The following SCTR variants were observed in gnomAD, a reference collection of about 807,000 sequenced individuals.
SCTR encodes the protein secretin receptor, also known as pancreatic secretin receptor.
SCTR carries 56 observed loss-of-function variants against 60.8 expected under a neutral mutation model. The observed-to-expected ratio is 0.92, with a 90% CI of 0.74 to 1.15. The LOEUF (loss-of-function observed/expected upper bound fraction) is 1.15. Ranked by LOEUF, SCTR falls within the 50% of genes most tolerant of loss-of-function variation. The probability of loss-of-function intolerance (pLI) is 0.00; values close to 1 mark genes in which losing one functional copy is unlikely to be tolerated. For synonymous variants in SCTR, 202 were observed against 217.0 expected (o/e 0.93, Z 0.61); for missense variants, 562 against 550.4 (o/e 1.02, Z -0.21).
chr2:119,522,014 G>C (rs1003911463), intron 1 of SCTR, among the ~76,000 whole-genome samples: 1 of 152,206 alleles, frequency 6.6e-6, no homozygotes, highest in Non-Finnish European at 1.5e-5. Context: ...ACAAGGGACC[G>C]CCGGGCGCGG....
At chr2:119,524,032 A>T in intron 1 of SCTR, 123 bp downstream of exon 1, 2 of 718,086 alleles carry the variant, frequency 2.8e-6, no homozygotes, top group Admixed American at 4.4e-5. Flanking sequence ...GGGAGGGAAG[A>T]GTCCCTATTC....
At chr2:119,478,959 C>A (rs941898469) in intron 2 of SCTR, 41 bp from the exon 3 acceptor site, 12 of 1,612,148 alleles carry the variant, frequency 7.4e-6, no homozygotes, top group African/African-American at 1.3e-5. Context: ...GGGGGATGGA[C>A]CGAGGGCTGC....
intron 4 of SCTR, among the ~76,000 whole-genome samples, chr2:119,471,030 T>C (rs1373802297): frequency 1.3e-5 from 2 of 152,210 alleles, no homozygotes; most frequent in Non-Finnish European, 2.9e-5. Flanking sequence ...GGCAGTCATC[T>C]TACAATGCCA....
chr2:119,441,760 G>T, intron 11 of SCTR, 161 bp from the exon 12 acceptor site: 1 of 643,216 alleles, frequency 1.6e-6, no homozygotes, highest in Non-Finnish European at 2.8e-6. Flanking sequence ...CTTGTGGGCT[G>T]CCCACGGTGG....
At chr2:119,518,558 C>A (rs551160902) in intron 1 of SCTR, among the ~76,000 whole-genome samples, 2 of 152,158 alleles carry the variant, frequency 1.3e-5, no homozygotes, top group Non-Finnish European at 2.9e-5. Flanking sequence ...TTGGAACAGA[C>A]GCACAATGTA....
At chr2:119,472,064 T>G (rs1410433956) in intron 4 of SCTR, among the ~76,000 whole-genome samples, 1 of 152,216 alleles carries the variant, frequency 6.6e-6, no homozygotes, top group African/African-American at 2.4e-5. Context: ...CTCTCTGATT[T>G]GTCACCGTGA....
chr2:119,461,608 A>G (rs1573823730), intron 7 of SCTR, among the ~76,000 whole-genome samples: 1 of 151,826 alleles, frequency 6.6e-6, no homozygotes, highest in Non-Finnish European at 1.5e-5. Context: ...CTACTTGGGA[A>G]GCTGAGGTAG....
chr2:119,496,091 G>A (rs1678333984), intron 1 of SCTR, among the ~76,000 whole-genome samples: 1 of 152,186 alleles, frequency 6.6e-6, no homozygotes, highest in African/African-American at 2.4e-5. Flanking sequence ...GTCTCACCTG[G>A]TTCTTGCCGA....
Position 119,524,369 on chromosome 2 carries a change from G to GT in SCTR, c.-144_-143insA. 1 of 485,104 alleles carries GT rather than the reference G, an allele frequency of 2.1e-6. No homozygotes were observed. The highest frequency in any genetic ancestry group is 3.4e-6 in the Non-Finnish European group (1 of 296,730). The allele number at this position is 485,104 out of a possible 1,614,324, so 30.0% of individuals were successfully genotyped here. On this transcript the variant is annotated 5_prime_UTR_variant, in exon 1 of 13. Coordinates refer to ENST00000019103, the MANE Select transcript of SCTR (RefSeq NM_002980.3). ...GAGCCATGGCTGAGCCACCCGACCT[G>GT]CGGCGGGCCCCGGGACTGCTCCTCC...
chr2:119,497,977 A>G (rs1034868106), intron 1 of SCTR, among the ~76,000 whole-genome samples: 1 of 152,178 alleles, frequency 6.6e-6, no homozygotes, highest in African/African-American at 2.4e-5. Context: ...TCCAAAAAAT[A>G]ATGGCTGAAA....
chr2:119,479,042 A>C, intron 2 of SCTR, 124 bp from the exon 3 acceptor site: 1 of 1,500,000 alleles, frequency 6.7e-7, no homozygotes, highest in South Asian at 1.3e-5. Flanking sequence ...CAAAGCTCTC[A>C]TTAGGTGCTG....
chr2:119,516,597 T>G (rs952182707), intron 1 of SCTR, among the ~76,000 whole-genome samples: 2 of 152,044 alleles, frequency 1.3e-5, no homozygotes, highest in African/African-American at 4.8e-5. Context: ...TCAAAGGGTA[T>G]GAAGTTGCAG....
chr2:119,468,207 G>C (rs1479171836), intron 4 of SCTR, among the ~76,000 whole-genome samples: 2 of 152,204 alleles, frequency 1.3e-5, no homozygotes. Flanking sequence ...AGTGGATAAG[G>C]GCTATTTATA....
chr2:119,485,076 C>T (rs1464725379), intron 2 of SCTR, among the ~76,000 whole-genome samples: 3 of 152,210 alleles, frequency 2.0e-5, no homozygotes, highest in South Asian at 2.1e-4. Context: ...CTCTGCCAGT[C>T]ACCACCTGTG....
chr2:119,487,422 G>T (rs1444045132), intron 2 of SCTR: 3 of 152,228 alleles, frequency 2.0e-5, no homozygotes, highest in Non-Finnish European at 4.4e-5. Context: ...GGGATGTCAT[G>T]ACCCCACTTG....
chr2:119,505,938 A>T (rs1678726175), intron 1 of SCTR, among the ~76,000 whole-genome samples: 2 of 152,210 alleles, frequency 1.3e-5, no homozygotes, highest in Admixed American at 1.3e-4. Flanking sequence ...TATTAGGTAA[A>T]TCCAAATTAA....
Position 119,446,794 on chromosome 2 carries a change from G to A in SCTR, c.1105C>T (p.Gln369Ter). 1 of 1,566,026 alleles carries A rather than the reference G, an allele frequency of 6.4e-7. No individual in the cohort carries two copies. ...AFSPEDAMEI[Q>*]LFFELALGSF... ...CCAAGGGCTAGTTCAAAAAACAGCT[G>A]GATCTCCATAGCGTCCTCTGGGGAG... is the stretch of plus-strand genomic sequence containing the variant. Residue 369 changes from glutamine to a stop codon, truncating the protein, a stop_gained, in exon 11 of 13, where the codon CAG becomes TAG. Coordinates refer to ENST00000019103, the MANE Select transcript of SCTR (RefSeq NM_002980.3). LOFTEE classifies it high-confidence loss of function.
intron 10 of SCTR, among the ~76,000 whole-genome samples, chr2:119,447,676 A>C (rs571890349): frequency 6.6e-6 from 1 of 152,200 alleles, no homozygotes; most frequent in East Asian, 1.9e-4. Flanking sequence ...GGTTCAAGTG[A>C]TTCTCCTATC....
At chr2:119,440,518 G>A (rs1165543034) in intron 12 of SCTR, among the ~76,000 whole-genome samples, 2 of 152,248 alleles carry the variant, frequency 1.3e-5, no homozygotes, top group Non-Finnish European at 2.9e-5. Flanking sequence ...TGGGACAAGT[G>A]TGTGCCCTTG....
Sources: allele counts gnomAD v4.1 joint callset (sites outside exome capture counted in the v4.1 genomes callset), GRCh38; gene constraint gnomAD v4.1.1; transcripts MANE v1.5; gene names NCBI Gene and HGNC (gene_info 2026-07-23, HGNC 2026-07-21).